The following STRAP variants were observed in gnomAD, a reference collection of about 807,000 sequenced individuals.
The protein encoded by STRAP is serine-threonine kinase receptor-associated protein.
A neutral mutation model predicts 47.0 loss-of-function variants in STRAP; 16 were observed. The ratio of observed to expected loss-of-function variants is 0.34; its 90% CI spans 0.23 to 0.52. The LOEUF (loss-of-function observed/expected upper bound fraction) is 0.52. Among genes scored for constraint, STRAP ranks in the 20% least tolerant of loss-of-function variants. STRAP has a pLI of 0.96. For missense variants in STRAP, 293 were observed against 420.0 expected (o/e 0.70, Z 2.64); for synonymous variants, 130 against 142.7 (o/e 0.91, Z 0.63).
intron 4 of STRAP, among the ~76,000 whole-genome samples, chr12:15,893,311 A>G (rs1948032149): frequency 6.6e-6 from 1 of 151,646 alleles, no homozygotes; most frequent in African/African-American, 2.4e-5. Context: ...TAAACGTCCC[A>G]GAGTTAGCCA....
At position 15,903,094 on chromosome 12, in the gene STRAP, A is replaced by G; in HGVS notation, c.*116A>G. On this transcript the variant is annotated 3_prime_UTR_variant, in exon 10 of 10. Transcript: ENST00000419869. ...GCAGAAACAGCAGTAAATAATGAGGAAAATGAATTAGCTCCAGTGCTGGAA... is the reference window on the plus strand; with the variant it reads ...GCAGAAACAGCAGTAAATAATGAGGGAAATGAATTAGCTCCAGTGCTGGAA... The G allele has an allele frequency of 8.7e-7, 1 of 1,153,100 alleles. No individual in the cohort carries two copies. The highest frequency in any genetic ancestry group is 1.2e-6 in the Non-Finnish European group (1 of 852,692). 71.4% of individuals were successfully genotyped at this position (1,153,100 alleles called of 1,614,324 possible). A position where few individuals can be genotyped will look rare whatever the true frequency, so the allele number is the denominator to read the frequency against.
chr12:15,882,740 T>G lies in STRAP; in HGVS notation c.33T>G (p.Ser11=), dbSNP rs761841072. The G allele has an allele frequency of 1.2e-6, 2 of 1,613,106 alleles. No homozygotes were observed. The highest frequency in any genetic ancestry group is 3.3e-5 in the Admixed American group (2 of 59,962). Residue 11 remains serine (S), a synonymous_variant, in exon 1 of 10, where the codon TCT becomes TCG. Coordinates refer to ENST00000419869, the MANE Select transcript of STRAP (RefSeq NM_007178.4). MAMRQTPLTC[S]GHTRPVVDLA... The stretch of plus-strand genomic sequence containing the variant: ...TGAGACAGACGCCGCTCACCTGCTC[T>G]GGCCACACGCGACCCGTGGTTGATT...
rs1948117355 is a variant in STRAP at position 15,902,930 on chromosome 12, A to G, written c.1005A>G (p.Ser335=). Residue 335 remains serine, a synonymous_variant, in exon 10 of 10, where the codon TCA becomes TCG. Transcript: ENST00000419869. ...TTTTACTTATAGAAGAAATTGCTTC[A>G]GAGAATTCAGATTGCATCTTTCCTT... ...TTEEELEEIA[S]ENSDCIFPSA... 1.9e-5 allele frequency: 28 copies of G among 1,503,400 alleles called. No individual in the cohort carries two copies. Among genetic ancestry groups the G allele is most frequent in the Non-Finnish European group, 2.4e-5 (27 of 1,141,188 alleles). 93.1% of individuals were successfully genotyped at this position (1,503,400 alleles called of 1,614,324 possible). A position where few individuals can be genotyped will look rare whatever the true frequency, so the allele number is the denominator to read the frequency against.
chr12:15,899,772 T>G (rs1293484439), intron 7 of STRAP, 132 bp from the exon 8 acceptor site: 12 of 805,546 alleles, frequency 1.5e-5, no homozygotes, highest in Non-Finnish European at 2.2e-5. Context: ...GAGAAATTAA[T>G]TAAGTACAGG....
intron 9 of STRAP, among the ~76,000 whole-genome samples, chr12:15,901,962 A>C (rs11056700): frequency 1.3e-5 from 2 of 151,660 alleles, no homozygotes; most frequent in African/African-American, 4.9e-5. Context: ...ATTGTAGTCT[A>C]GATGAGTGAT....
At chr12:15,900,203 TGGCCAGAGAAA>T in intron 8 of STRAP, 150 bp downstream of exon 8, 1 of 942,002 alleles carries the variant, frequency 1.1e-6, no homozygotes, top group Non-Finnish European at 1.5e-6. Flanking sequence ...GATTATAAAT[TGGCCAGAGAAA>T]GGGTCATGTT....
Position 15,897,995 on chromosome 12 carries a change from A to G in STRAP, c.752A>G (p.Asp251Gly). ...GGEDFKLYKYDYNSGEELESY... is the reference protein window; with the variant it reads ...GGEDFKLYKYGYNSGEELESY... ...GAAGATTTTAAACTTTATAAGTATG[A>G]TTATAATAGTGGAGAAGAATTAGGT... The change falls in exon 7 of 10, where the codon GAT becomes GGT. Residue 251 changes from aspartate to glycine, a missense_variant. Transcript: ENST00000419869. 6.2e-7 allele frequency: 1 copy of G among 1,602,744 alleles called. No individual in the cohort carries two copies. Among genetic ancestry groups the G allele is most frequent in the Non-Finnish European group, 8.5e-7 (1 of 1,175,850 alleles).
chr12:15,893,407 T>C (rs957788645), intron 4 of STRAP, among the ~76,000 whole-genome samples: 2 of 147,676 alleles, frequency 1.4e-5, no homozygotes, highest in African/African-American at 4.9e-5. Context: ...ATTAATAATA[T>C]AATAAATACT....
chr12:15,898,986 G>C lies in STRAP; in HGVS notation c.776-918G>C, dbSNP rs111552406. ...GCTTATGGTTCAGTTTTTATTACTT[G>C]AATACAAGTGATTTATAAATAAGAT... is the stretch of plus-strand genomic sequence containing the variant. On this transcript the variant is annotated intron_variant, in intron 7 of 9. Transcript: ENST00000419869. Among the ~76,000 whole-genome samples the C allele has an allele frequency of 1.8e-3, 276 of 152,262 alleles. 1 individual carries two copies. The highest frequency in any genetic ancestry group is 6.2e-3 in the African/African-American group (259 of 41,538).
Position 15,902,928 on chromosome 12 carries a change from T to G in STRAP, c.1003T>G (p.Ser335Ala). Reference sequence around the variant, plus strand: ...TTTTTTACTTATAGAAGAAATTGCTTCAGAGAATTCAGATTGCATCTTTCC... The same window carrying G: ...TTTTTTACTTATAGAAGAAATTGCTGCAGAGAATTCAGATTGCATCTTTCC... ...TTEEELEEIA[S>A]ENSDCIFPSA... Residue 335 changes from serine to alanine, a missense_variant, in exon 10 of 10, where the codon TCA becomes GCA. Coordinates refer to ENST00000419869, the MANE Select transcript of STRAP (RefSeq NM_007178.4). 6.5e-7 allele frequency: 1 copy of G among 1,527,676 alleles called. No individual in the cohort carries two copies. The highest frequency in any genetic ancestry group is 8.7e-7 in the Non-Finnish European group (1 of 1,147,408). The allele number at this position is 1,527,676 out of a possible 1,614,324, so 94.6% of individuals were successfully genotyped here.
At position 15,890,587 on chromosome 12, in the gene STRAP, G is replaced by C; in HGVS notation, c.331-10G>C. ...GGTTAATCTATTCACATTTTACTTT[G>C]TGTTTTCAGGATAGTAATTATTTGT... is the stretch of plus-strand genomic sequence containing the variant. On this transcript the variant is annotated splice_polypyrimidine_tract_variant and intron_variant, in intron 3 of 9. Coordinates refer to ENST00000419869, the MANE Select transcript of STRAP (RefSeq NM_007178.4). The surrounding 1 kb of genome is among the most constrained non-coding windows in gnomAD (Gnocchi z 4.5). 1.9e-6 allele frequency: 3 copies of C among 1,602,478 alleles called. No homozygotes were observed. The highest frequency in any genetic ancestry group is 2.6e-6 in the Non-Finnish European group (3 of 1,174,176).
intron 4 of STRAP, among the ~76,000 whole-genome samples, chr12:15,893,528 T>G (rs1482234937): frequency 4.1e-5 from 6 of 147,244 alleles, no homozygotes; most frequent in African/African-American, 1.5e-4. Context: ...TACTTTTTAT[T>G]TATTATACAA....
In STRAP at chr12:15,896,448, A is replaced by T. The variant is rs753479392; in HGVS notation, c.638+952A>T. ...ACATAATTGAAAAAAATGTACCCAC[A>T]ATATTATACCCATAGGTGCAAGAGT... is the stretch of plus-strand genomic sequence containing the variant. On this transcript the variant is annotated intron_variant, in intron 6 of 9. Coordinates refer to ENST00000419869, the MANE Select transcript of STRAP (RefSeq NM_007178.4). The surrounding 1 kb of genome is among the most constrained non-coding windows in gnomAD (Gnocchi z 4.1). Among the ~76,000 whole-genome samples the T allele has an allele frequency of 6.6e-6, 1 of 152,166 alleles. No homozygotes were observed. The highest frequency in any genetic ancestry group is 2.4e-5 in the African/African-American group (1 of 41,454).
In STRAP at chr12:15,895,391, A is replaced by G. The variant is rs143256276; in HGVS notation, c.533A>G (p.Lys178Arg). 7.5e-5 allele frequency: 120 copies of G among 1,594,310 alleles called. 1 individual carries two copies. In the Middle Eastern group the frequency reaches 8.7e-4, roughly 12 times the overall value. Residue 178 changes from lysine to arginine, a missense_variant, in exon 6 of 10, where the codon AAA becomes AGA. Around this residue, in one of 5 missense-constraint regions of STRAP, gnomAD observed 152 missense variants for 183.0 expected, o/e 0.83. Transcript: ENST00000419869. ...LWDHATMTEVKSLNFNMSVSS... is the reference protein window; with the variant it reads ...LWDHATMTEVRSLNFNMSVSS... ...GATCATGCTACTATGACAGAAGTGA[A>G]ATCTCTAAATTTTAATATGTCTGTT... is the stretch of plus-strand genomic sequence containing the variant.
At chr12:15,895,220 T>C (rs990009673) in intron 5 of STRAP, 139 bp from the exon 6 acceptor site, 4 of 677,020 alleles carry the variant, frequency 5.9e-6, no homozygotes, top group Non-Finnish European at 9.0e-6. Context: ...TTTAATCATC[T>C]GTAATTTGTG....
intron 2 of STRAP, among the ~76,000 whole-genome samples, chr12:15,886,397 G>T (rs558453476): frequency 6.6e-6 from 1 of 152,172 alleles, no homozygotes; most frequent in African/African-American, 2.4e-5. Context: ...TGTTGTCCAG[G>T]TTGGTCTTGA....
At chr12:15,902,835 A>C in intron 9 of STRAP, 82 bp from the exon 10 acceptor site, 1 of 1,416,184 alleles carries the variant, frequency 7.1e-7, no homozygotes, top group Non-Finnish European at 9.2e-7. Flanking sequence ...TTCCTTCATT[A>C]CACAGAAATG....
intron 9 of STRAP, 127 bp from the exon 10 acceptor site, chr12:15,902,790 C>T: frequency 2.5e-6 from 3 of 1,184,316 alleles, no homozygotes; most frequent in Non-Finnish European, 3.4e-6. Flanking sequence ...TCTCTTCTTT[C>T]CCTTACCACA....
At chr12:15,898,618 A>AG (rs1948079638) in intron 7 of STRAP, among the ~76,000 whole-genome samples, 1 of 152,216 alleles carries the variant, frequency 6.6e-6, no homozygotes, top group Non-Finnish European at 1.5e-5. Flanking sequence ...GGAAAGGGAA[A>AG]GGCATGGGGA....
Sources: allele counts gnomAD v4.1 joint callset (sites outside exome capture counted in the v4.1 genomes callset), GRCh38; gene constraint gnomAD v4.1.1; regional missense constraint gnomAD v4.1.1; non-coding constraint Gnocchi (gnomAD v3.1); transcripts MANE v1.5; gene names NCBI Gene and HGNC (gene_info 2026-07-23, HGNC 2026-07-21).